The following SASS6 variants were observed in gnomAD, a reference collection of about 807,000 sequenced individuals.
The protein encoded by SASS6 is spindle assembly abnormal protein 6 homolog.
In SASS6, 59 loss-of-function variants were observed where a neutral mutation model predicts 94.9. The observed-to-expected ratio is 0.62, with a 90% CI of 0.50 to 0.77. The LOEUF is 0.77. Ranked by LOEUF, SASS6 falls within the 30% of genes least tolerant of loss-of-function variation. The pLI is 0.00. For synonymous variants in SASS6, 264 were observed against 270.0 expected (o/e 0.98, Z 0.22); for missense variants, 698 against 734.1 (o/e 0.95, Z 0.57).
chr1:100,129,817 A>C (rs1272251376), intron 1 of SASS6, among the ~76,000 whole-genome samples: 1 of 152,218 alleles, frequency 6.6e-6, no homozygotes, highest in Non-Finnish European at 1.5e-5. Flanking sequence ...GATTAGTGTC[A>C]AATCATGGGT....
At chr1:100,096,691 C>A (rs901278126) in intron 14 of SASS6, among the ~76,000 whole-genome samples, 10 of 152,292 alleles carry the variant, frequency 6.6e-5, no homozygotes, top group African/African-American at 2.4e-4. Flanking sequence ...AATAAAAAGA[C>A]AACCTTGTTT....
chr1:100,087,315 T>G (rs147571425), intron 15 of SASS6, among the ~76,000 whole-genome samples: 11 of 152,282 alleles, frequency 7.2e-5, no homozygotes, highest in African/African-American at 2.4e-4. Context: ...CACATCATGA[T>G]CCAATGAATA....
At chr1:100,130,034 A>T (rs1557898103) in intron 1 of SASS6, among the ~76,000 whole-genome samples, 1 of 152,192 alleles carries the variant, frequency 6.6e-6, no homozygotes, top group Non-Finnish European at 1.5e-5. Context: ...CATTCTCATA[A>T]TACCATGAAG....
rs1350756446 is a variant in SASS6 at position 100,121,512 on chromosome 1, C to G, written c.349G>C (p.Asp117His). Residue 117 changes from aspartate to histidine, a missense_variant, in exon 5 of 17, where the codon GAT becomes CAT. Asp to His is a moderately conservative substitution (Grantham distance 81). Transcript: ENST00000287482. ...ACATTTAAAAATGCAGGTGAGTTAT[C>G]CAAAATAGCTGCTGGAGAAACTAAC... Reference protein sequence around the residue: ...LQLVSPAAILDNSPAFLNVVE... With the variant: ...LQLVSPAAILHNSPAFLNVVE... 1 of 1,598,448 alleles carries G rather than the reference C, an allele frequency of 6.3e-7. No homozygotes were observed. The highest frequency in any genetic ancestry group is 1.1e-5 in the South Asian group (1 of 88,570).
chr1:100,117,789 A>C (rs1197170522), intron 7 of SASS6, among the ~76,000 whole-genome samples: 1 of 152,040 alleles, frequency 6.6e-6, no homozygotes, highest in Non-Finnish European at 1.5e-5. Flanking sequence ...TAAGAAATAT[A>C]AACTAAAACT....
intron 7 of SASS6, among the ~76,000 whole-genome samples, chr1:100,110,761 CA>C (rs1358485413): frequency 6.6e-6 from 1 of 151,804 alleles, no homozygotes; most frequent in Non-Finnish European, 1.5e-5. Context: ...TTAGGTGCAA[CA>C]GTCTTCAAGT....
At chr1:100,094,031 G>A (rs185355359) in intron 14 of SASS6, among the ~76,000 whole-genome samples, 9 of 152,114 alleles carry the variant, frequency 5.9e-5, no homozygotes, top group South Asian at 2.1e-4. Context: ...ACCATAAGCC[G>A]GTTCCTTGAA....
intron 14 of SASS6, among the ~76,000 whole-genome samples, chr1:100,102,667 G>A (rs111414544): frequency 1.7e-5 from 2 of 120,774 alleles, no homozygotes; most frequent in African/African-American, 6.8e-5. Context: ...AACCGAGCAA[G>A]ACTGTCTCAA....
intron 14 of SASS6, among the ~76,000 whole-genome samples, chr1:100,089,750 G>T (rs1651550017): frequency 6.6e-6 from 1 of 152,020 alleles, no homozygotes; most frequent in South Asian, 2.1e-4. Context: ...TACTATAAGA[G>T]ATCTTAGTTA....
Position 100,084,140 on chromosome 1 carries a change from C to T in SASS6, c.*1188G>A, listed in dbSNP as rs1651051223. The T allele has an allele frequency of 7.1e-6, 1 of 140,866 alleles. No homozygotes were observed. Among genetic ancestry groups the T allele is most frequent in the African/African-American group, 2.7e-5 (1 of 36,466 alleles). 8.7% of individuals were successfully genotyped at this position (140,866 alleles called of 1,614,324 possible). On this transcript the variant is annotated 3_prime_UTR_variant, in exon 17 of 17. Coordinates refer to ENST00000287482, the MANE Select transcript of SASS6 (RefSeq NM_194292.3). Reference sequence around the variant, plus strand: ...GCCAATAGTTTCAAGATACTGGCTTCGTAAAAAAAAAAAAAAAATTAGCAA... The same window carrying T: ...GCCAATAGTTTCAAGATACTGGCTTTGTAAAAAAAAAAAAAAAATTAGCAA...
At chr1:100,117,914 G>C (rs1222637257) in intron 7 of SASS6, among the ~76,000 whole-genome samples, 1 of 148,932 alleles carries the variant, frequency 6.7e-6, no homozygotes, top group Non-Finnish European at 1.5e-5. Context: ...ATAATCCATA[G>C]AAGAAATAAA....
At position 100,121,393 on chromosome 1, in the gene SASS6, A is replaced by G; in HGVS notation, c.468T>C (p.Cys156=). ...TAAATCTTACCTTGCTACATTTCAA[A>G]CAGCCTGCGAGAAATTTCTTTATCT... ...DVEIKKFLAG[C]LKCSKEEKLS... Residue 156 remains cysteine (C), a synonymous_variant, in exon 5 of 17, where the codon TGT becomes TGC. Coordinates refer to ENST00000287482, the MANE Select transcript of SASS6 (RefSeq NM_194292.3). 1 of 1,574,404 alleles carries G rather than the reference A, an allele frequency of 6.4e-7. No homozygotes were observed. Among genetic ancestry groups the G allele is most frequent in the Non-Finnish European group, 8.6e-7 (1 of 1,166,282 alleles).
chr1:100,088,013 A>G (rs1651429461), intron 15 of SASS6, 126 bp downstream of exon 15: 3 of 504,688 alleles, frequency 5.9e-6, no homozygotes, highest in Middle Eastern at 6.3e-4. Flanking sequence ...CTTAAATTCC[A>G]ATGATCAGTA....
At chr1:100,118,253 T>C (rs1292556698) in intron 7 of SASS6, among the ~76,000 whole-genome samples, 2 of 151,988 alleles carry the variant, frequency 1.3e-5, no homozygotes, top group Non-Finnish European at 2.9e-5. Context: ...AGGCAGAGGT[T>C]ACAGTGAGCC....
Position 100,119,105 on chromosome 1 carries a change from CT to C in SASS6, c.581del (p.Lys194SerfsTer13). ...TLAEKKQELD[K>X]LRNEWASHTA... The stretch of plus-strand genomic sequence containing the variant: ...TATGTGACGCCCATTCATTCCGTAA[CT>C]TATCTAATTCTTGTTTTTTTTCTGC... On this transcript the variant is annotated frameshift_variant, in exon 7 of 17. Coordinates refer to ENST00000287482, the MANE Select transcript of SASS6 (RefSeq NM_194292.3). LOFTEE classifies it high-confidence loss of function. 6.3e-7 allele frequency: 1 copy of C among 1,575,670 alleles called. No homozygotes were observed. The highest frequency in any genetic ancestry group is 8.7e-7 in the Non-Finnish European group (1 of 1,153,182).
chr1:100,108,100 G>A, intron 8 of SASS6, 96 bp from the exon 9 acceptor site: 1 of 662,598 alleles, frequency 1.5e-6, no homozygotes, highest in Non-Finnish European at 2.4e-6. Flanking sequence ...TTAAAAAAAA[G>A]TCTTTAATAA....
At chr1:100,125,749 T>C in intron 2 of SASS6, 133 bp downstream of exon 2, 1 of 641,014 alleles carries the variant, frequency 1.6e-6, no homozygotes, top group Non-Finnish European at 2.8e-6. Flanking sequence ...CACCCTTGAT[T>C]TCCAACAGTT....
intron 14 of SASS6, among the ~76,000 whole-genome samples, chr1:100,093,680 T>C (rs1651917322): frequency 6.6e-6 from 1 of 151,898 alleles, no homozygotes; most frequent in Non-Finnish European, 1.5e-5. Flanking sequence ...GAGAATCACA[T>C]AAACCCAGGA....
chr1:100,120,584 C>G, intron 5 of SASS6, 125 bp from the exon 6 acceptor site: 1 of 563,408 alleles, frequency 1.8e-6, no homozygotes, highest in Non-Finnish European at 3.1e-6. Flanking sequence ...GGCTCCATCT[C>G]AAATCTAAAT....
Sources: allele counts gnomAD v4.1 joint callset (sites outside exome capture counted in the v4.1 genomes callset), GRCh38; gene constraint gnomAD v4.1.1; transcripts MANE v1.5; gene names NCBI Gene and HGNC (gene_info 2026-07-23, HGNC 2026-07-21).